TMEM260: variants seen among roughly 807,000 people sequenced by gnomAD.
TMEM260 encodes the protein protein O-mannosyl-transferase TMEM260.
In TMEM260, 82 loss-of-function variants were observed where a neutral mutation model predicts 88.9. The ratio of observed to expected loss-of-function variants is 0.92; its 90% CI spans 0.77 to 1.11. The LOEUF (loss-of-function observed/expected upper bound fraction) is 1.11, where lower values mean the gene tolerates loss of function less well. Among genes scored for constraint, TMEM260 ranks in the 50% least tolerant of loss-of-function variants. The probability of loss-of-function intolerance (pLI) is 0.00; values close to 1 mark genes in which losing one functional copy is unlikely to be tolerated. For synonymous variants in TMEM260, 314 were observed against 309.3 expected (o/e 1.02, Z -0.16); for missense variants, 902 against 853.4 (o/e 1.06, Z -0.71).
intron 12 of TMEM260, 45 bp from the exon 13 acceptor site, chr14:56,632,950 A>C (rs1888727267): frequency 2.6e-6 from 4 of 1,527,330 alleles, no homozygotes. Context: ...TAACATTTAA[A>C]ACTTTAAATT....
chr14:56,661,893 G>T, the TMEM260 span, among the ~76,000 whole-genome samples: 1 of 152,204 alleles, frequency 6.6e-6, no homozygotes, highest in East Asian at 1.9e-4. Flanking sequence ...GTGAGAAGGG[G>T]GAGAAAGAGG....
At chr14:56,630,454 T>C (rs1333356442) in intron 12 of TMEM260, among the ~76,000 whole-genome samples, 3 of 151,864 alleles carry the variant, frequency 2.0e-5, no homozygotes, top group Admixed American at 2.0e-4. Flanking sequence ...TGTTTTTCTT[T>C]TTTTGTTTAA....
Position 56,579,856 on chromosome 14 carries a change from C to T in TMEM260, c.-59C>T, listed in dbSNP as rs1377059229. 2.9e-5 allele frequency: 35 copies of T among 1,225,896 alleles called. No individual in the cohort carries two copies. Among genetic ancestry groups the T allele is most frequent in the Admixed American group, 4.2e-5 (1 of 23,654 alleles). 75.9% of individuals were successfully genotyped at this position (1,225,896 alleles called of 1,614,324 possible). On this transcript the variant is annotated 5_prime_UTR_variant, in exon 1 of 16. Coordinates refer to ENST00000261556, the MANE Select transcript of TMEM260 (RefSeq NM_017799.4). ...GCGCTCGTCTCTCGGCTGGGGAGCTCCGTGTCGCACCGGGTTCTTGGGCTG... is the reference window on the plus strand; with the variant it reads ...GCGCTCGTCTCTCGGCTGGGGAGCTTCGTGTCGCACCGGGTTCTTGGGCTG...
chr14:56,599,891 C>T (rs1886465431), intron 3 of TMEM260, among the ~76,000 whole-genome samples: 1 of 152,076 alleles, frequency 6.6e-6, no homozygotes, highest in Non-Finnish European at 1.5e-5. Flanking sequence ...TTTAAACTGT[C>T]TGTCATCCTC....
chr14:56,597,576 T>C (rs1886323568), intron 3 of TMEM260, among the ~76,000 whole-genome samples: 1 of 152,222 alleles, frequency 6.6e-6, no homozygotes, highest in African/African-American at 2.4e-5. Context: ...TTATGTTTTA[T>C]CATTAAAGGA....
chr14:56,656,891 GCACA>G, the TMEM260 span, among the ~76,000 whole-genome samples: 2 of 152,116 alleles, frequency 1.3e-5, no homozygotes, highest in African/African-American at 2.4e-5. Flanking sequence ...GCACACGCAT[GCACA>G]CACACAAGTA....
chr14:56,618,828 T>C (rs1887742440), intron 10 of TMEM260, 65 bp downstream of exon 10: 1 of 1,456,118 alleles, frequency 6.9e-7, no homozygotes, highest in Non-Finnish European at 9.5e-7. Flanking sequence ...ATTTAGATTC[T>C]AACACTTTAT....
chr14:56,621,555 T>A lies in TMEM260; in HGVS notation c.1251T>A (p.Tyr417Ter). Reference protein sequence around the residue: ...NYSVCDQRTNYVIDKFAKNLL... With the variant: ...NYSVCDQRTN ...GTGTTTGTGACCAAAGGACCAACTA[T>A]GTGATTGATAAGTTCGCAAAGAACC... is the stretch of plus-strand genomic sequence containing the variant. Residue 417 changes from tyrosine (Y) to a stop codon, truncating the protein, a stop_gained, in exon 11 of 16, where the codon TAT becomes TAA. Coordinates refer to ENST00000261556, the MANE Select transcript of TMEM260 (RefSeq NM_017799.4). LOFTEE classifies it high-confidence loss of function. The A allele has an allele frequency of 6.2e-7, 1 of 1,608,816 alleles. No homozygotes were observed. Among genetic ancestry groups the A allele is most frequent in the Non-Finnish European group, 8.5e-7 (1 of 1,178,194 alleles).
intron 11 of TMEM260, among the ~76,000 whole-genome samples, chr14:56,624,803 C>G: frequency 6.6e-6 from 1 of 150,396 alleles, no homozygotes; most frequent in East Asian, 2.0e-4. Flanking sequence ...AATACACGTT[C>G]TCTAGGTCAG....
Position 56,648,776 on chromosome 14 carries a change from A to G in TMEM260, c.*1279A>G, listed in dbSNP as rs1475522697. 6.6e-6 allele frequency: 1 copy of G among 152,598 alleles called. No homozygotes were observed. The highest frequency in any genetic ancestry group is 1.5e-5 in the Non-Finnish European group (1 of 68,040). The allele number at this position is 152,598 out of a possible 1,614,324, so 9.5% of individuals were successfully genotyped here. ...GGATGCCATGTAGGCATCTGTCTGG[A>G]GTGTCCTTTGTGATGTCATAAGCTG... On this transcript the variant is annotated 3_prime_UTR_variant, in exon 16 of 16. Transcript: ENST00000261556.
At chr14:56,636,625 T>C in intron 15 of TMEM260, 27 bp downstream of exon 15, 7 of 1,588,560 alleles carry the variant, frequency 4.4e-6, no homozygotes, top group South Asian at 1.1e-5. Flanking sequence ...TATGTAGATA[T>C]AGATATATTT....
At chr14:56,609,014 A>T in intron 5 of TMEM260, 92 bp from the exon 6 acceptor site, 1 of 1,305,002 alleles carries the variant, frequency 7.7e-7, no homozygotes, top group Non-Finnish European at 1.1e-6. Flanking sequence ...CTGAGTAAAC[A>T]TATTTGATGT....
At chr14:56,593,575 A>G (rs896340082) in intron 3 of TMEM260, among the ~76,000 whole-genome samples, 4 of 150,848 alleles carry the variant, frequency 2.7e-5, no homozygotes, top group African/African-American at 9.7e-5. Flanking sequence ...TGAATAATCT[A>G]TATCAGTGCT....
chr14:56,604,811 A>G (rs1226956370), intron 4 of TMEM260, among the ~76,000 whole-genome samples: 1 of 152,162 alleles, frequency 6.6e-6, no homozygotes. Context: ...GAAAAGTGGG[A>G]ATTCATAGCC....
intron 4 of TMEM260, among the ~76,000 whole-genome samples, chr14:56,605,004 C>T (rs1026191428): frequency 6.6e-6 from 1 of 152,170 alleles, no homozygotes; most frequent in Non-Finnish European, 1.5e-5. Context: ...ACTGACTTGA[C>T]AGGATTGATG....
rs531406892 is a variant in TMEM260, at chr14:56,631,264, C to CTGAT, written c.1548-1729_1548-1726dup. On this transcript the variant is annotated intron_variant, in intron 12 of 15. Transcript: ENST00000261556. ...CTAGGGTCTTGCATTCCCTTCTCCC[C>CTGAT]TGATTCTTCCCTGGGGGTGGGCTGC... 3.3e-5 allele frequency among the ~76,000 whole-genome samples: 5 copies of CTGAT among 152,318 alleles called. No homozygotes were observed. The East Asian group carries it at 5.8e-4, about 18-fold the overall frequency.
chr14:56,626,046 G>A (rs1888226246), intron 12 of TMEM260, among the ~76,000 whole-genome samples: 2 of 152,158 alleles, frequency 1.3e-5, no homozygotes, highest in South Asian at 4.1e-4. Flanking sequence ...ATTATTTGTA[G>A]TTAGGTCAAG....
chr14:56,618,245 A>G (rs983248965), intron 9 of TMEM260, among the ~76,000 whole-genome samples: 4 of 152,358 alleles, frequency 2.6e-5, no homozygotes, highest in East Asian at 1.9e-4. Context: ...GAGACAGGCC[A>G]GGACAGTGGA....
chr14:56,624,152 C>A (rs1421396496), intron 11 of TMEM260, among the ~76,000 whole-genome samples: 1 of 152,032 alleles, frequency 6.6e-6, no homozygotes, highest in African/African-American at 2.4e-5. Context: ...TTGAGCTTCT[C>A]CAGGGCAGGG....
Sources: allele counts gnomAD v4.1 joint callset (sites outside exome capture counted in the v4.1 genomes callset), GRCh38; gene constraint gnomAD v4.1.1; transcripts MANE v1.5; gene names NCBI Gene and HGNC (gene_info 2026-07-23, HGNC 2026-07-21).